MEMO1: variants seen among roughly 807,000 people sequenced by gnomAD.
MEMO1 encodes mediator of cell motility 1.
Under a neutral mutation model 45.2 loss-of-function variants are expected in MEMO1, and 6 were observed. The ratio of observed to expected loss-of-function variants is 0.13; its 90% CI spans 0.07 to 0.26. The LOEUF (loss-of-function observed/expected upper bound fraction) is 0.26. MEMO1 is among the 10% of genes least tolerant of loss of function. The pLI is 1.00. For synonymous variants in MEMO1, 78 were observed against 124.3 expected (o/e 0.63, Z 2.48); for missense variants, 184 against 370.5 (o/e 0.50, Z 4.13).
At chr2:31,967,265 AGGT>A (rs1668744825) in intron 2 of MEMO1, among the ~76,000 whole-genome samples, 1 of 151,848 alleles carries the variant, frequency 6.6e-6, no homozygotes, top group Non-Finnish European at 1.5e-5. Flanking sequence ...CTGGGATTAC[AGGT>A]GCCCACCACC....
intron 4 of MEMO1, among the ~76,000 whole-genome samples, chr2:31,925,806 A>C (rs948449601): frequency 2.6e-5 from 4 of 152,150 alleles, no homozygotes; most frequent in African/African-American, 9.7e-5. Flanking sequence ...ACTCACACTA[A>C]GTTTAAAAGG....
intron 2 of MEMO1, among the ~76,000 whole-genome samples, chr2:31,960,196 C>CA (rs200243452): frequency 0.019 from 2,343 of 123,022 alleles, 27 homozygotes; most frequent in Non-Finnish European, 0.025. Flanking sequence ...GATCCTCTCT[C>CA]AAAAAAAAAA....
chr2:31,983,824 A>G (rs1483248110), intron 2 of MEMO1, among the ~76,000 whole-genome samples: 1 of 152,254 alleles, frequency 6.6e-6, no homozygotes, highest in African/African-American at 2.4e-5. Flanking sequence ...GCAGGAAAAT[A>G]TAAGATGAGC....
chr2:31,966,582 T>C lies in MEMO1; in HGVS notation c.62-23199A>G, dbSNP rs372084258. 2.0e-4 allele frequency among the ~76,000 whole-genome samples: 30 copies of C among 151,924 alleles called. No individual in the cohort carries two copies. The East Asian group carries it at 4.8e-3, about 25-fold the overall frequency. On this transcript the variant is annotated intron_variant, in intron 2 of 9. Transcript: ENST00000404530. The stretch of plus-strand genomic sequence containing the variant: ...CCCCTTTCTACCAAAAATACAAAAA[T>C]TAGCCAGGCATGGTGGCACGACCTG...
intron 2 of MEMO1, among the ~76,000 whole-genome samples, chr2:31,983,485 G>A (rs61399065): frequency 0.29 from 43,369 of 151,986 alleles, 6,484 homozygotes; most frequent in East Asian, 0.55. Flanking sequence ...CCAGGCCAGA[G>A]TGAGGGTGGC....
intron 2 of MEMO1, among the ~76,000 whole-genome samples, chr2:31,995,799 A>AG (rs1672523949): frequency 6.6e-6 from 1 of 152,170 alleles, no homozygotes; most frequent in South Asian, 2.1e-4. Flanking sequence ...GTAAGCCCCA[A>AG]GGGATAAATT....
intron 6 of MEMO1, among the ~76,000 whole-genome samples, chr2:31,910,234 C>T (rs1680349322): frequency 6.6e-6 from 1 of 152,038 alleles, no homozygotes; most frequent in Admixed American, 6.6e-5. Flanking sequence ...TCAATTTAGA[C>T]ATTAGATCTG....
chr2:31,886,884 G>C (rs901268682), intron 7 of MEMO1, among the ~76,000 whole-genome samples: 7 of 152,148 alleles, frequency 4.6e-5, no homozygotes, highest in African/African-American at 1.7e-4. Context: ...AAGAGCCATT[G>C]ACACTGCCCC....
At position 31,868,851 on chromosome 2, in the gene MEMO1, C is replaced by T. The variant is rs983629790; in HGVS notation, c.763-359G>A. On this transcript the variant is annotated intron_variant, in intron 9 of 9. Coordinates refer to ENST00000404530, the MANE Select transcript of MEMO1 (RefSeq NM_001301833.4). ...TGTCTTAAGACGTCGGAGTCTTTAT[C>T]TGACTTTGACTAAATTTGAAATGTA... Among the ~76,000 whole-genome samples the T allele has an allele frequency of 2.6e-5, 4 of 152,126 alleles. No individual in the cohort carries two copies. In the East Asian group the frequency reaches 7.7e-4, roughly 29 times the overall value.
chr2:31,877,180 T>C (rs1342775539), intron 8 of MEMO1, among the ~76,000 whole-genome samples: 2 of 152,182 alleles, frequency 1.3e-5, no homozygotes, highest in Admixed American at 1.3e-4. Flanking sequence ...ATGGACAAAG[T>C]CCCTGTTCTC....
chr2:31,918,698 G>A (rs1681841058), intron 5 of MEMO1, among the ~76,000 whole-genome samples: 1 of 152,092 alleles, frequency 6.6e-6, no homozygotes, highest in African/African-American at 2.4e-5. Flanking sequence ...GATGAACTGT[G>A]CTTAAAATTG....
chr2:31,956,869 C>T (rs560731058), intron 2 of MEMO1, among the ~76,000 whole-genome samples: 67 of 152,260 alleles, frequency 4.4e-4, no homozygotes, highest in African/African-American at 1.5e-3. Flanking sequence ...GTAGGCCAGA[C>T]ACAGTGGCTC....
At chr2:32,001,238 A>G (rs185552980) in intron 2 of MEMO1, among the ~76,000 whole-genome samples, 2,719 of 151,478 alleles carry the variant, frequency 0.018, 79 homozygotes, top group African/African-American at 0.063. Context: ...ACGGGGTTTC[A>G]CCGTGTTAGC....
intron 4 of MEMO1, among the ~76,000 whole-genome samples, chr2:31,928,108 T>C (rs1245615129): frequency 6.6e-6 from 1 of 152,222 alleles, no homozygotes; most frequent in Admixed American, 6.5e-5. Flanking sequence ...CCATTTCTCT[T>C]GGAAAACAAC....
At chr2:31,914,081 C>T (rs1681050570) in intron 6 of MEMO1, among the ~76,000 whole-genome samples, 1 of 152,092 alleles carries the variant, frequency 6.6e-6, no homozygotes, top group South Asian at 2.1e-4. Context: ...CAGAGATAGA[C>T]GAGAACCAAG....
chr2:31,893,415 C>G lies in MEMO1; in HGVS notation c.438-1281G>C. On this transcript the variant is annotated intron_variant, in intron 6 of 9. Coordinates refer to ENST00000404530, the MANE Select transcript of MEMO1 (RefSeq NM_001301833.4). ...ACCAGTTTGCTAAATAACTCCCTGA[C>G]TGAATAGGGGCTCTTCAATTAGTTA... 3.9e-6 allele frequency: 4 copies of G among 1,025,178 alleles called. 1 individual carries two copies. In the South Asian group the frequency reaches 1.3e-4, roughly 34 times the overall value. The allele number at this position is 1,025,178 out of a possible 1,614,324, so 63.5% of individuals were successfully genotyped here. A position where few individuals can be genotyped will look rare whatever the true frequency, so the allele number is the denominator to read the frequency against.
At chr2:31,872,817 T>C (rs565006983) in intron 8 of MEMO1, among the ~76,000 whole-genome samples, 1 of 152,272 alleles carries the variant, frequency 6.6e-6, no homozygotes, top group African/African-American at 2.4e-5. Context: ...TATGCCTCTT[T>C]ATAAGGAAAG....
intron 2 of MEMO1, among the ~76,000 whole-genome samples, chr2:31,962,988 T>A (rs1668201459): frequency 1.3e-5 from 2 of 152,228 alleles, no homozygotes; most frequent in Admixed American, 1.3e-4. Flanking sequence ...CTCCCCCAAG[T>A]AAGACAGAAC....
chr2:31,919,241 G>A (rs764358719), intron 5 of MEMO1, among the ~76,000 whole-genome samples: 5 of 151,728 alleles, frequency 3.3e-5, no homozygotes, highest in Admixed American at 6.6e-5. Context: ...CTCTACCTCC[G>A]GAGCTCAAGC....
Sources: gnomAD v4.1 joint callset for allele counts (sites outside exome capture counted in the v4.1 genomes callset) on GRCh38, gnomAD v4.1.1 for gene constraint, MANE v1.5 for transcripts, NCBI Gene and HGNC (gene_info 2026-07-23, HGNC 2026-07-21) for gene names.